Variants in PTPRD observed in about 807,000 individuals in gnomAD.
PTPRD encodes receptor-type tyrosine-protein phosphatase delta.
PTPRD carries 34 observed loss-of-function variants against 214.5 expected under a neutral mutation model. That is an observed-to-expected ratio of 0.16 (90% CI 0.12 to 0.21). PTPRD has a LOEUF of 0.21. Among genes scored for constraint, PTPRD ranks in the 10% least tolerant of loss-of-function variants. The pLI, the probability that PTPRD is intolerant of heterozygous loss-of-function variation, is 1.00. For synonymous variants in PTPRD, 1,128 were observed against 845.7 expected, an observed-to-expected ratio of 1.33 and a Z score of -5.79; for missense variants, 2,545 against 2,398.7, an observed-to-expected ratio of 1.06 and a Z score of -1.27.
chr9:9,667,975 A>G (rs1017218225), intron 7 of PTPRD, among the ~76,000 whole-genome samples: 2 of 152,184 alleles, frequency 1.3e-5, no homozygotes, highest in Non-Finnish European at 1.5e-5. Context: ...TTATTGGAAC[A>G]ACCTGCAGTA....
chr9:9,522,524 T>C (rs1456234475), intron 8 of PTPRD, among the ~76,000 whole-genome samples: 1 of 151,994 alleles, frequency 6.6e-6, no homozygotes, highest in Non-Finnish European at 1.5e-5. Context: ...AAATTACCTT[T>C]CAATAATAAT....
chr9:8,445,335 A>G (rs896054174), intron 34 of PTPRD, among the ~76,000 whole-genome samples: 2 of 152,170 alleles, frequency 1.3e-5, no homozygotes, highest in Admixed American at 6.6e-5. Flanking sequence ...TTGGCTATAC[A>G]CTGCCATCTG....
intron 2 of PTPRD, among the ~76,000 whole-genome samples, chr9:10,503,193 C>CAAAA (rs753847764): frequency 0.073 from 5,019 of 68,754 alleles, 461 homozygotes; most frequent in East Asian, 0.17. Flanking sequence ...AGCTGCAATA[C>CAAAA]AAAAAAAAAA....
At chr9:8,980,725 A>C (rs922639483) in intron 11 of PTPRD, among the ~76,000 whole-genome samples, 1 of 152,064 alleles carries the variant, frequency 6.6e-6, no homozygotes, top group African/African-American at 2.4e-5. Context: ...TGTAGCCCCA[A>C]ATCCCTACCT....
intron 11 of PTPRD, among the ~76,000 whole-genome samples, chr9:8,741,766 T>C (rs1289108785): frequency 2.6e-5 from 4 of 151,856 alleles, no homozygotes; most frequent in South Asian, 2.1e-4. Flanking sequence ...AATTGTTGTA[T>C]TTTTAGTAGA....
intron 12 of PTPRD, among the ~76,000 whole-genome samples, chr9:8,646,375 C>A (rs912437345): frequency 1.1e-4 from 16 of 152,172 alleles, no homozygotes; most frequent in African/African-American, 2.2e-4. Context: ...AATAAACCAA[C>A]TTTAATAGCT....
At chr9:9,427,733 C>A (rs2081499269) in intron 8 of PTPRD, among the ~76,000 whole-genome samples, 1 of 152,144 alleles carries the variant, frequency 6.6e-6, no homozygotes, top group South Asian at 2.1e-4. Context: ...ACTCTACAAG[C>A]CAGAAGAGAG....
intron 2 of PTPRD, among the ~76,000 whole-genome samples, chr9:10,607,384 C>T (rs1388760883): frequency 6.6e-6 from 1 of 151,768 alleles, no homozygotes; most frequent in Non-Finnish European, 1.5e-5. Flanking sequence ...GATTATTATA[C>T]ATACACTTTT....
In PTPRD at chr9:9,891,191, G is replaced by GT. The variant is rs2073194576; in HGVS notation, c.-368+47315dup. 2.6e-5 allele frequency among the ~76,000 whole-genome samples: 4 copies of GT among 152,204 alleles called. No individual in the cohort carries two copies. In the South Asian group the frequency reaches 8.3e-4, roughly 32 times the overall value. On this transcript the variant is annotated intron_variant, in intron 5 of 45. Transcript: ENST00000381196. Reference sequence around the variant, plus strand: ...ATGCACAGTTATGTATACATCTCCTGTTCTCTTCTCCCATCCAACTCAGAT... The same window carrying GT: ...ATGCACAGTTATGTATACATCTCCTGTTTCTCTTCTCCCATCCAACTCAGAT...
intron 10 of PTPRD, among the ~76,000 whole-genome samples, chr9:9,154,648 T>G (rs1324823171): frequency 6.6e-6 from 1 of 152,186 alleles, no homozygotes; most frequent in Non-Finnish European, 1.5e-5. Flanking sequence ...AAAACATTAT[T>G]GTAGCATAAC....
intron 10 of PTPRD, among the ~76,000 whole-genome samples, chr9:9,104,600 T>A (rs1402672120): frequency 6.6e-6 from 1 of 152,216 alleles, no homozygotes; most frequent in Non-Finnish European, 1.5e-5. Context: ...ACAAGTGCTG[T>A]AAGAACCATG....
intron 35 of PTPRD, among the ~76,000 whole-genome samples, chr9:8,407,644 C>T (rs1355600636): frequency 6.6e-6 from 1 of 152,164 alleles, no homozygotes; most frequent in East Asian, 1.9e-4. Flanking sequence ...ACTTATCAGC[C>T]TGTGTCATTC....
At chr9:8,896,185 C>T (rs2098609005) in intron 11 of PTPRD, among the ~76,000 whole-genome samples, 1 of 152,126 alleles carries the variant, frequency 6.6e-6, no homozygotes, top group South Asian at 2.1e-4. Flanking sequence ...AACATGCAGA[C>T]TATATTGCAC....
chr9:9,323,092 A>G (rs895204679), intron 9 of PTPRD, among the ~76,000 whole-genome samples: 1 of 152,134 alleles, frequency 6.6e-6, no homozygotes. Context: ...ACCCTAGGGC[A>G]CTTTACTATG....
chr9:9,554,406 AT>A (rs80342062), intron 8 of PTPRD, among the ~76,000 whole-genome samples: 49,596 of 148,482 alleles, frequency 0.33, 8,490 homozygotes, highest in African/African-American at 0.43. Context: ...GTCCTGTTTT[AT>A]TTTTTTTTTT....
At chr9:9,642,475 T>A (rs148301932) in intron 7 of PTPRD, among the ~76,000 whole-genome samples, 1 of 152,208 alleles carries the variant, frequency 6.6e-6, no homozygotes, top group South Asian at 2.1e-4. Flanking sequence ...CCTAGACATA[T>A]AGCTTAGAAG....
chr9:8,841,474 C>G (rs530700930), intron 11 of PTPRD, among the ~76,000 whole-genome samples: 20 of 151,610 alleles, frequency 1.3e-4, no homozygotes, highest in Non-Finnish European at 2.2e-4. Context: ...AGAGTGGACA[C>G]AGTTCATGAT....
At chr9:9,256,310 A>G (rs779492788) in intron 9 of PTPRD, among the ~76,000 whole-genome samples, 57 of 152,138 alleles carry the variant, frequency 3.7e-4, no homozygotes, top group Non-Finnish European at 7.1e-4. Context: ...CTGAAAATAT[A>G]TACAAATCAC....
intron 11 of PTPRD, among the ~76,000 whole-genome samples, chr9:8,810,356 T>G (rs1303592574): frequency 6.6e-6 from 1 of 152,198 alleles, no homozygotes; most frequent in Non-Finnish European, 1.5e-5. Flanking sequence ...CTTGGTTACC[T>G]TCTTCAAAGG....
Sources: gnomAD v4.1 joint callset for allele counts (sites outside exome capture counted in the v4.1 genomes callset) on GRCh38, gnomAD v4.1.1 for gene constraint, MANE v1.5 for transcripts, NCBI Gene and HGNC (gene_info 2026-07-23, HGNC 2026-07-21) for gene names.